The following RANBP17 variants were observed in gnomAD, a reference collection of about 807,000 sequenced individuals.
RANBP17 encodes the protein ran-binding protein 17.
Under a neutral mutation model 141.2 loss-of-function variants are expected in RANBP17, and 158 were observed. That is an observed-to-expected ratio of 1.12 (90% CI 0.98 to 1.28). RANBP17 has a LOEUF of 1.28. Ranked by LOEUF, RANBP17 falls within the 50% of genes most tolerant of loss-of-function variation. RANBP17 has a pLI of 0.00. For synonymous variants in RANBP17, 430 were observed against 450.0 expected (o/e 0.96, Z 0.56); for missense variants, 1,438 against 1,290.7 (o/e 1.11, Z -1.75).
At chr5:171,023,943 T>A (rs1781059482) in intron 14 of RANBP17, among the ~76,000 whole-genome samples, 1 of 152,196 alleles carries the variant, frequency 6.6e-6, no homozygotes, top group African/African-American at 2.4e-5. Context: ...TTTTTTGTTG[T>A]TGCAAAAATC....
chr5:170,932,727 G>A (rs79729440), intron 12 of RANBP17, among the ~76,000 whole-genome samples: 90,254 of 151,074 alleles, frequency 0.6, 28,604 homozygotes, highest in South Asian at 0.88. Flanking sequence ...ATTTGCATAT[G>A]TTGAACCAGC....
In RANBP17 at chr5:170,915,227, T is replaced by G. The variant is rs1176600341; in HGVS notation, c.834+987T>G. 3.3e-5 allele frequency among the ~76,000 whole-genome samples: 5 copies of G among 152,168 alleles called. No homozygotes were observed. The East Asian group carries it at 7.7e-4, about 23-fold the overall frequency. ...CTTAAAAAATAAAGTAGAAAACAAC[T>G]GCTTTGAGAGATAGTAATGAACATT... On this transcript the variant is annotated intron_variant, in intron 8 of 27. Coordinates refer to ENST00000523189, the MANE Select transcript of RANBP17 (RefSeq NM_022897.5).
At chr5:171,063,074 A>G (rs1015638768) in intron 14 of RANBP17, among the ~76,000 whole-genome samples, 5 of 152,138 alleles carry the variant, frequency 3.3e-5, no homozygotes, top group Admixed American at 2.6e-4. Context: ...AATTTTTTTC[A>G]AAGTTTTTAA....
chr5:171,069,911 T>G (rs1304670496), intron 14 of RANBP17, among the ~76,000 whole-genome samples: 2 of 152,138 alleles, frequency 1.3e-5, no homozygotes, highest in Admixed American at 1.3e-4. Flanking sequence ...GCTGTTGAAA[T>G]CTAACCTTCT....
intron 21 of RANBP17, among the ~76,000 whole-genome samples, chr5:171,219,044 A>G (rs1763397435): frequency 6.6e-6 from 1 of 151,960 alleles, no homozygotes; most frequent in Non-Finnish European, 1.5e-5. Flanking sequence ...TTTCCTTTCC[A>G]TATTTAGCAC....
chr5:170,975,938 T>G (rs955879358), intron 14 of RANBP17, among the ~76,000 whole-genome samples: 6 of 152,064 alleles, frequency 3.9e-5, no homozygotes, highest in Middle Eastern at 3.2e-3. Flanking sequence ...GGCTACTCCC[T>G]TCTCTTCTAT....
chr5:170,928,906 G>A (rs1773131300), intron 12 of RANBP17, among the ~76,000 whole-genome samples: 1 of 151,542 alleles, frequency 6.6e-6, no homozygotes. Context: ...ACATCAGTTT[G>A]GGCCAGGTTA....
intron 24 of RANBP17, chr5:171,252,761 C>T (rs1442992369): frequency 7.4e-7 from 1 of 1,346,934 alleles, no homozygotes; most frequent in Admixed American, 1.7e-5. Flanking sequence ...TGTAGACTTG[C>T]TTCATATGAA....
Position 170,923,043 on chromosome 5 carries a change from A to G in RANBP17, c.1275-1314A>G, listed in dbSNP as rs1215121853. Among the ~76,000 whole-genome samples the G allele has an allele frequency of 2.0e-5, 3 of 152,102 alleles. No homozygotes were observed. The East Asian group carries it at 5.8e-4, about 29-fold the overall frequency. ...AGTCCAATGCTTTATTTTTTCTTTT[A>G]TGTATTATGTTTTTGTTGTTATACC... is the stretch of plus-strand genomic sequence containing the variant. On this transcript the variant is annotated intron_variant, in intron 11 of 27. Transcript: ENST00000523189.
intron 24 of RANBP17, among the ~76,000 whole-genome samples, chr5:171,247,474 C>G (rs1456546815): frequency 2.0e-5 from 3 of 152,128 alleles, no homozygotes; most frequent in African/African-American, 7.2e-5. Context: ...GGTTTAATTT[C>G]TATTGTTGCC....
intron 2 of RANBP17, among the ~76,000 whole-genome samples, chr5:170,880,085 G>A (rs978983739): frequency 2.6e-5 from 4 of 152,132 alleles, no homozygotes; most frequent in Admixed American, 6.5e-5. Flanking sequence ...GTGACATATC[G>A]TAGCAGATTC....
intron 12 of RANBP17, among the ~76,000 whole-genome samples, chr5:170,930,352 C>T (rs981560436): frequency 4.6e-5 from 7 of 151,338 alleles, no homozygotes; most frequent in East Asian, 1.9e-4. Flanking sequence ...TTGCATCCCA[C>T]GAGTTTTGTA....
At position 171,198,570 on chromosome 5, in the gene RANBP17, T is replaced by G. The variant is rs904732895; in HGVS notation, c.2039-1100T>G. On this transcript the variant is annotated intron_variant, in intron 18 of 27. Transcript: ENST00000523189. ...GCATCTGAATCATCTGGAGGGCCTA[T>G]TAAAACAAAATTGCTGGGACCCACC... Among the ~76,000 whole-genome samples, 16 of 152,324 alleles carry G rather than the reference T, an allele frequency of 1.1e-4. No homozygotes were observed. The East Asian group carries it at 3.1e-3, about 29-fold the overall frequency.
At chr5:171,188,039 CT>C (rs1015563748) in intron 18 of RANBP17, among the ~76,000 whole-genome samples, 4 of 151,912 alleles carry the variant, frequency 2.6e-5, no homozygotes, top group Non-Finnish European at 5.9e-5. Context: ...ATGTTTCTTG[CT>C]TTTTTTTCAT....
intron 14 of RANBP17, among the ~76,000 whole-genome samples, chr5:170,969,492 G>T (rs1776832843): frequency 6.6e-6 from 1 of 151,874 alleles, no homozygotes; most frequent in Non-Finnish European, 1.5e-5. Context: ...CTTGAAGATT[G>T]AATATAAATC....
At chr5:171,005,739 C>G (rs977058901) in intron 14 of RANBP17, among the ~76,000 whole-genome samples, 1 of 152,144 alleles carries the variant, frequency 6.6e-6, no homozygotes, top group Admixed American at 6.5e-5. Flanking sequence ...CCAGAATTGA[C>G]AAATGGGATC....
At chr5:171,041,939 T>C (rs1782277548) in intron 14 of RANBP17, among the ~76,000 whole-genome samples, 2 of 151,988 alleles carry the variant, frequency 1.3e-5, no homozygotes, top group Admixed American at 1.3e-4. Context: ...TTCTCCTCCC[T>C]GTGTCCATGT....
chr5:170,879,462 C>T lies in RANBP17; in HGVS notation c.165+1219C>T, dbSNP rs148281336. The stretch of plus-strand genomic sequence containing the variant: ...AGAAAATATATCTCTGAATAGAGAG[C>T]TCACTACTTGTTTTAACTTTTGACA... On this transcript the variant is annotated intron_variant, in intron 2 of 27. Transcript: ENST00000523189. Among the ~76,000 whole-genome samples the T allele has an allele frequency of 4.1e-3, 617 of 152,170 alleles. 5 individuals carry two copies. Among genetic ancestry groups the T allele is most frequent in the African/African-American group, 0.014 (595 of 41,540 alleles).
At chr5:171,212,989 A>G (rs1325107133) in intron 20 of RANBP17, among the ~76,000 whole-genome samples, 12 of 152,200 alleles carry the variant, frequency 7.9e-5, no homozygotes, top group Non-Finnish European at 1.8e-4. Context: ...ACATGGGACT[A>G]TCTTTAGTGA....
Sources: allele counts gnomAD v4.1 joint callset (sites outside exome capture counted in the v4.1 genomes callset), GRCh38; gene constraint gnomAD v4.1.1; transcripts MANE v1.5; gene names NCBI Gene and HGNC (gene_info 2026-07-23, HGNC 2026-07-21).